Variants in ZFP90 observed in about 807,000 individuals in gnomAD.
The protein encoded by ZFP90 is zinc finger protein 90 homolog.
A neutral mutation model predicts 60.8 loss-of-function variants in ZFP90; 38 were observed. The ratio of observed to expected loss-of-function variants is 0.62; its 90% CI spans 0.48 to 0.82. The LOEUF is 0.82. Ranked by LOEUF, ZFP90 falls within the 40% of genes least tolerant of loss-of-function variation. ZFP90 has a pLI of 0.00. For synonymous variants in ZFP90, 287 were observed against 264.8 expected (o/e 1.08, Z -0.82); for missense variants, 711 against 759.1 (o/e 0.94, Z 0.74).
At chr16:68,551,759 T>G (rs984748571) in intron 2 of ZFP90, among the ~76,000 whole-genome samples, 6 of 151,198 alleles carry the variant, frequency 4.0e-5, no homozygotes, top group Admixed American at 1.3e-4. Flanking sequence ...TTTTGGTTTT[T>G]GTTTTTGTTT....
chr16:68,545,692 G>A (rs560170874), intron 2 of ZFP90, among the ~76,000 whole-genome samples: 10 of 152,266 alleles, frequency 6.6e-5, no homozygotes, highest in Admixed American at 2.0e-4. Context: ...GCCGGTGCCT[G>A]TAGTCCCAGC....
intron 2 of ZFP90, 28 bp downstream of exon 2, chr16:68,539,853 G>C: frequency 6.2e-7 from 1 of 1,603,140 alleles, no homozygotes; most frequent in Middle Eastern, 1.7e-4. Flanking sequence ...AACCTCCTGG[G>C]CATCCCATCC....
chr16:68,549,016 TA>T (rs1041705437), intron 2 of ZFP90, among the ~76,000 whole-genome samples: 3 of 152,192 alleles, frequency 2.0e-5, no homozygotes, highest in African/African-American at 7.2e-5. Flanking sequence ...CATTGAGAAT[TA>T]CCCAGATTCT....
chr16:68,550,346 G>A (rs977344676), intron 2 of ZFP90, among the ~76,000 whole-genome samples: 28 of 152,216 alleles, frequency 1.8e-4, no homozygotes, highest in Non-Finnish European at 3.4e-4. Flanking sequence ...TGTAACCTCC[G>A]CCTCCTGGGT....
upstream of ZFP90, among the ~76,000 whole-genome samples, chr16:68,536,081 G>A (rs1315371728): frequency 6.6e-6 from 1 of 152,144 alleles, no homozygotes; most frequent in Non-Finnish European, 1.5e-5. Flanking sequence ...TTATTTTCCA[G>A]TACATGCACT....
chr16:68,573,863 C>T (rs2091579999), intron 2 of ZFP90: 1 of 152,336 alleles, frequency 6.6e-6, no homozygotes, highest in South Asian at 2.1e-4. Flanking sequence ...TTAGCAGCAG[C>T]TCACTTCCAC....
chr16:68,557,002 T>C (rs2091354877), intron 2 of ZFP90, among the ~76,000 whole-genome samples: 2 of 152,162 alleles, frequency 1.3e-5, no homozygotes, highest in African/African-American at 4.8e-5. Context: ...TTTACTCTCT[T>C]TTTTTGAGAC....
At chr16:68,556,922 C>G (rs756151224) in intron 2 of ZFP90, among the ~76,000 whole-genome samples, 1 of 152,226 alleles carries the variant, frequency 6.6e-6, no homozygotes, top group Admixed American at 6.5e-5. Context: ...GGGCTGGGAA[C>G]AAGTTTGATG....
intron 2 of ZFP90, among the ~76,000 whole-genome samples, chr16:68,541,326 C>A (rs923423425): frequency 6.6e-6 from 1 of 152,028 alleles, no homozygotes; most frequent in Non-Finnish European, 1.5e-5. Context: ...ATGTGAGCCA[C>A]CACGCCTGGC....
chr16:68,558,734 A>G (rs965781505), intron 4 of ZFP90, among the ~76,000 whole-genome samples, 166 bp downstream of exon 4: 3 of 152,140 alleles, frequency 2.0e-5, no homozygotes, highest in African/African-American at 7.2e-5. Context: ...AAGGGTGCTC[A>G]TGCTCTTGCT....
chr16:68,546,004 A>G (rs1030956021), intron 2 of ZFP90, among the ~76,000 whole-genome samples: 9 of 151,470 alleles, frequency 5.9e-5, no homozygotes, highest in African/African-American at 2.2e-4. Flanking sequence ...GTGAAACCCC[A>G]TCTCTACTAA....
At position 68,565,559 on chromosome 16, in the gene ZFP90, C is replaced by A. The variant is rs1003021103; in HGVS notation, c.*861C>A. The A allele has an allele frequency of 1.0e-6, 1 of 985,426 alleles. No individual in the cohort carries two copies. Among genetic ancestry groups the A allele is most frequent in the Non-Finnish European group, 1.2e-6 (1 of 829,944 alleles). The allele number at this position is 985,426 out of a possible 1,614,324, so 61.0% of individuals were successfully genotyped here. A position where few individuals can be genotyped will look rare whatever the true frequency, so the allele number is the denominator to read the frequency against. On this transcript the variant is annotated 3_prime_UTR_variant, in exon 5 of 5. Transcript: ENST00000563169. Reference sequence around the variant, plus strand: ...GACTTTTTTCCCCTTTTCCCAGTTACAATTATACTTTCAGCTAACATATGC... The same window carrying A: ...GACTTTTTTCCCCTTTTCCCAGTTAAAATTATACTTTCAGCTAACATATGC...
intron 2 of ZFP90, 59 bp from the exon 3 acceptor site, chr16:68,557,939 C>T (rs985558118): frequency 5.0e-6 from 8 of 1,605,330 alleles, no homozygotes; most frequent in Non-Finnish European, 6.8e-6. Flanking sequence ...ATGTTCCCAG[C>T]ATTGCCTTAG....
intron 2 of ZFP90, among the ~76,000 whole-genome samples, chr16:68,546,330 T>A (rs1175149551): frequency 1.3e-5 from 2 of 152,212 alleles, no homozygotes; most frequent in Non-Finnish European, 2.9e-5. Context: ...CATTCATATG[T>A]AATGCAGCCA....
In ZFP90 at chr16:68,565,961, T is replaced by TA. The variant is rs58312180; in HGVS notation, c.*1278dup. Reference sequence around the variant, plus strand: ...ACAACATGGTGAAACCCCATCTCTTTAAAAAAAAAAAAAAATCCAAAAATT... The same window carrying TA: ...ACAACATGGTGAAACCCCATCTCTTTAAAAAAAAAAAAAAAATCCAAAAATT... On this transcript the variant is annotated 3_prime_UTR_variant, in exon 5 of 5. Coordinates refer to ENST00000563169, the MANE Select transcript of ZFP90 (RefSeq NM_001305203.2). 0.095 allele frequency: 54,850 copies of TA among 576,400 alleles called. 78 individuals carry two copies. The highest frequency in any genetic ancestry group is 0.11 in the Non-Finnish European group (50,086 of 461,960). 35.7% of individuals were successfully genotyped at this position (576,400 alleles called of 1,614,324 possible).
chr16:68,559,293 C>T (rs1293680153), intron 4 of ZFP90, among the ~76,000 whole-genome samples: 3 of 152,128 alleles, frequency 2.0e-5, no homozygotes, highest in African/African-American at 7.2e-5. Context: ...TTTTATCCTT[C>T]TCAGAAGTCA....
At chr16:68,549,833 C>G (rs1408841069) in intron 2 of ZFP90, among the ~76,000 whole-genome samples, 3 of 151,956 alleles carry the variant, frequency 2.0e-5, no homozygotes, top group African/African-American at 7.3e-5. Flanking sequence ...ACTGGTTCTA[C>G]AAGGATGACT....
intron 2 of ZFP90, among the ~76,000 whole-genome samples, chr16:68,543,003 G>A (rs2091079478): frequency 6.6e-6 from 1 of 152,170 alleles, no homozygotes; most frequent in African/African-American, 2.4e-5. Context: ...GGGAAAAAAG[G>A]TAGAGAAAGG....
At chr16:68,562,804 T>C (rs2091457351) in intron 4 of ZFP90, 1 of 825,760 alleles carries the variant, frequency 1.2e-6, no homozygotes, top group Non-Finnish European at 1.8e-6. Context: ...CCTTATTTTC[T>C]AACCAACCCT....
Sources: gnomAD v4.1 joint callset for allele counts (sites outside exome capture counted in the v4.1 genomes callset) on GRCh38, gnomAD v4.1.1 for gene constraint, MANE v1.5 for transcripts, NCBI Gene and HGNC (gene_info 2026-07-23, HGNC 2026-07-21) for gene names.